ERAP1: variants seen among roughly 807,000 people sequenced by gnomAD.
The protein encoded by ERAP1 is endoplasmic reticulum aminopeptidase 1, also known as adipocyte-derived leucine aminopeptidase.
In ERAP1, 86 loss-of-function variants were observed where a neutral mutation model predicts 103.7. The ratio of observed to expected loss-of-function variants is 0.83; its 90% CI spans 0.70 to 0.99. The LOEUF is 0.99. Ranked by LOEUF, ERAP1 falls within the 50% of genes least tolerant of loss-of-function variation. The pLI is 0.00. For synonymous variants in ERAP1, 398 were observed against 402.4 expected, an observed-to-expected ratio of 0.99 and a Z score of 0.13; for missense variants, 1,009 against 1,128.4, an observed-to-expected ratio of 0.89 and a Z score of 1.52.
chr5:96,832,104 G>A, the ERAP1 span, among the ~76,000 whole-genome samples: 2 of 152,116 alleles, frequency 1.3e-5, no homozygotes, highest in Admixed American at 6.5e-5. Context: ...CCATGCAGGG[G>A]GAGTAAACTC....
At chr5:96,780,819 T>C (rs868100901) in intron 17 of ERAP1, among the ~76,000 whole-genome samples, 1 of 152,226 alleles carries the variant, frequency 6.6e-6, no homozygotes, top group South Asian at 2.1e-4. Context: ...GCTTCAGATA[T>C]GTCCATGGGC....
the ERAP1 span, among the ~76,000 whole-genome samples, chr5:96,818,717 G>T: frequency 5.6e-4 from 85 of 152,080 alleles, no homozygotes; most frequent in African/African-American, 2.0e-3. Flanking sequence ...AGAATCAGTA[G>T]CGTTTAATTT....
the ERAP1 span, chr5:96,912,706 TTTAGAGCAA>T: frequency 4.0e-5 from 64 of 1,607,432 alleles, no homozygotes; most frequent in Non-Finnish European, 5.3e-5. Flanking sequence ...GGAATTACCT[TTTAGAGCAA>T]TATGAACTGT....
the ERAP1 span, among the ~76,000 whole-genome samples, chr5:96,858,027 G>A: frequency 6.6e-6 from 1 of 152,188 alleles, no homozygotes; most frequent in Non-Finnish European, 1.5e-5. Flanking sequence ...GGCAGTGGCA[G>A]GGACCTGAGA....
At chr5:96,784,489 A>C (rs1260420106) in intron 13 of ERAP1, among the ~76,000 whole-genome samples, 1 of 75,268 alleles carries the variant, frequency 1.3e-5, no homozygotes, top group Admixed American at 1.2e-4. Context: ...TCTCCAAAAA[A>C]TAAATAAACA....
chr5:96,919,146 T>TA, the ERAP1 span: 1 of 152,240 alleles, frequency 6.6e-6, no homozygotes, highest in African/African-American at 2.4e-5. Context: ...GGGAAAGTGT[T>TA]AGTCAATCCA....
chr5:96,859,506 A>G, the ERAP1 span, among the ~76,000 whole-genome samples: 3 of 151,790 alleles, frequency 2.0e-5, no homozygotes, highest in African/African-American at 4.8e-5. Flanking sequence ...CCCTGCTTGT[A>G]TCTTTCCAGA....
the ERAP1 span, among the ~76,000 whole-genome samples, chr5:96,852,627 C>T: frequency 6.6e-6 from 1 of 152,118 alleles, no homozygotes; most frequent in Non-Finnish European, 1.5e-5. Context: ...TTAGTACTTT[C>T]CTACTTTTGA....
chr5:96,813,650 C>CAAA, the ERAP1 span, among the ~76,000 whole-genome samples: 4,484 of 55,134 alleles, frequency 0.081, 1,471 homozygotes, highest in Middle Eastern at 0.16. Flanking sequence ...AGACTCATCT[C>CAAA]AAAAAAAAAA....
chr5:96,879,469 T>C, the ERAP1 span: 24 of 477,530 alleles, frequency 5.0e-5, no homozygotes, highest in Non-Finnish European at 3.0e-5. Context: ...AGAGCAGATT[T>C]TCCCTTACTC....
chr5:96,889,671 G>T, the ERAP1 span, among the ~76,000 whole-genome samples: 2 of 152,124 alleles, frequency 1.3e-5, no homozygotes, highest in African/African-American at 4.8e-5. Flanking sequence ...GTTCAAAATA[G>T]GGGTCCACAT....
At chr5:96,926,195 C>T in the ERAP1 span, among the ~76,000 whole-genome samples, 1 of 152,180 alleles carries the variant, frequency 6.6e-6, no homozygotes, top group Non-Finnish European at 1.5e-5. Flanking sequence ...CAGGCTTGAG[C>T]CACCATGCCC....
chr5:96,830,331 C>T, the ERAP1 span, among the ~76,000 whole-genome samples: 8 of 152,236 alleles, frequency 5.3e-5, no homozygotes, highest in Admixed American at 2.0e-4. Context: ...CCTTAGGCCT[C>T]GAAATGTCTC....
chr5:96,856,904 C>T, the ERAP1 span, among the ~76,000 whole-genome samples: 1 of 152,148 alleles, frequency 6.6e-6, no homozygotes, highest in Non-Finnish European at 1.5e-5. Context: ...CACAGACCAC[C>T]CACTTATCCC....
chr5:96,839,798 A>T, the ERAP1 span, among the ~76,000 whole-genome samples: 115 of 152,144 alleles, frequency 7.6e-4, no homozygotes, highest in African/African-American at 2.7e-3. Context: ...AACAATCTCT[A>T]CCCTCAACTT....
chr5:96,912,730 G>A, the ERAP1 span: 3 of 1,603,230 alleles, frequency 1.9e-6, no homozygotes, highest in Non-Finnish European at 2.5e-6. Context: ...AACTGTCAAT[G>A]TCAAGTGCTG....
At chr5:96,854,428 G>A in the ERAP1 span, among the ~76,000 whole-genome samples, 1 of 151,816 alleles carries the variant, frequency 6.6e-6, no homozygotes, top group Admixed American at 6.6e-5. Context: ...ATCATTGAAG[G>A]CCAATGTGAA....
chr5:96,825,293 C>G, the ERAP1 span, among the ~76,000 whole-genome samples: 1 of 152,118 alleles, frequency 6.6e-6, no homozygotes, highest in Non-Finnish European at 1.5e-5. Flanking sequence ...TGGGTATTTT[C>G]CAGCTATCTT....
At chr5:96,935,852 T>G in the ERAP1 span, 993 of 381,304 alleles carry the variant, frequency 2.6e-3, 13 homozygotes, top group Admixed American at 0.026. Context: ...CGCAGCCGGG[T>G]CCACTTCAGG....
Sources: allele counts gnomAD v4.1 joint callset (sites outside exome capture counted in the v4.1 genomes callset), GRCh38; gene constraint gnomAD v4.1.1; transcripts MANE v1.5; gene names NCBI Gene and HGNC (gene_info 2026-07-23, HGNC 2026-07-21).